Variants in SGCE observed in about 807,000 individuals in gnomAD.
SGCE encodes the protein sarcoglycan epsilon.
Under a neutral mutation model 57.8 loss-of-function variants are expected in SGCE, and 26 were observed. The ratio of observed to expected loss-of-function variants is 0.45; its 90% CI spans 0.33 to 0.62. SGCE has a LOEUF of 0.62. SGCE is among the 20% of genes least tolerant of loss of function. SGCE has a pLI of 0.02. For synonymous variants in SGCE, 183 were observed against 189.5 expected (o/e 0.97, Z 0.28); for missense variants, 468 against 548.6 (o/e 0.85, Z 1.47).
chr7:94,613,134 C>T (rs1339842879), intron 5 of SGCE, among the ~76,000 whole-genome samples: 1 of 152,144 alleles, frequency 6.6e-6, no homozygotes, highest in African/African-American at 2.4e-5. Flanking sequence ...AAACGGAACA[C>T]AGATGTCATG....
intron 8 of SGCE, 98 bp from the exon 9 acceptor site, chr7:94,599,061 AAAT>A (rs1798833281): frequency 4.6e-6 from 4 of 875,258 alleles, no homozygotes; most frequent in Admixed American, 2.4e-5. Context: ...TTATCTTTTA[AAAT>A]AATAAGACAT....
rs1017811324 is a variant in SGCE, at chr7:94,619,066, G to A, written c.464-110C>T. The A allele has an allele frequency of 1.1e-5, 9 of 785,694 alleles. No homozygotes were observed. In the East Asian group the frequency reaches 1.8e-4, roughly 16 times the overall value. The allele number at this position is 785,694 out of a possible 1,614,324, so 48.7% of individuals were successfully genotyped here. On this transcript the variant is annotated intron_variant, in intron 4 of 10. Coordinates refer to ENST00000648936, the MANE Select transcript of SGCE (RefSeq NM_003919.3). Reference sequence around the variant, plus strand: ...AGTTCTGTCATAATCCTGGCAGCAGGAAGCAATATTAATACTGACTTTAAA... The same window carrying A: ...AGTTCTGTCATAATCCTGGCAGCAGAAAGCAATATTAATACTGACTTTAAA...
At chr7:94,613,365 TTG>T (rs1801368855) in intron 5 of SGCE, among the ~76,000 whole-genome samples, 1 of 152,194 alleles carries the variant, frequency 6.6e-6, no homozygotes, top group South Asian at 2.1e-4. Flanking sequence ...AATTTAAAAT[TTG>T]TATGAAGTGA....
At chr7:94,590,863 A>C in intron 9 of SGCE, 1 of 152,198 alleles carries the variant, frequency 6.6e-6, no homozygotes, top group East Asian at 1.9e-4. Context: ...TTATGTTCCA[A>C]ATACAACAAT....
chr7:94,600,978 A>C, intron 6 of SGCE, 121 bp from the exon 7 acceptor site: 1 of 812,094 alleles, frequency 1.2e-6, no homozygotes. Context: ...TTTTCCAATT[A>C]CTTTATCACC....
chr7:94,618,433 T>C, intron 5 of SGCE: 1 of 248,304 alleles, frequency 4.0e-6, no homozygotes, highest in Non-Finnish European at 7.7e-6. Flanking sequence ...CTGCAGCTAA[T>C]AACTGGGGCG....
In SGCE at chr7:94,598,942, A is replaced by C; in HGVS notation, c.1086T>G (p.Ser362Arg). The change falls in exon 9 of 11, where the codon AGT becomes AGG. Residue 362 changes from serine to arginine, a missense_variant. Physicochemically the swap from Ser to Arg is moderately radical, Grantham distance 110. Transcript: ENST00000648936. Reference sequence around the variant, plus strand: ...GCTCCTTGGTAGATTTCTGAATAGCACTGTGATGGACCAGTTGGATGCTAG... The same window carrying C: ...GCTCCTTGGTAGATTTCTGAATAGCCCTGTGATGGACCAGTTGGATGCTAG... Reference protein sequence around the residue: ...QTPDIQLVHHSAIQKSTKELR... With the variant: ...QTPDIQLVHHRAIQKSTKELR... 6.2e-7 allele frequency: 1 copy of C among 1,613,768 alleles called. No individual in the cohort carries two copies. Among genetic ancestry groups the C allele is most frequent in the South Asian group, 1.1e-5 (1 of 91,070 alleles).
intron 9 of SGCE, chr7:94,590,592 T>G (rs1388560900): frequency 6.6e-6 from 1 of 152,222 alleles, no homozygotes; most frequent in African/African-American, 2.4e-5. Context: ...CAGTCCTTTG[T>G]AATAAAGTTT....
chr7:94,649,421 A>G (rs1404887010), intron 1 of SGCE, among the ~76,000 whole-genome samples: 2 of 152,196 alleles, frequency 1.3e-5, no homozygotes, highest in African/African-American at 2.4e-5. Context: ...AAATGTAGAC[A>G]CTGGGGATTA....
chr7:94,588,618 A>G (rs1797229152), intron 10 of SGCE, 71 bp downstream of exon 10: 3 of 1,550,750 alleles, frequency 1.9e-6, no homozygotes, highest in Admixed American at 3.4e-5. Flanking sequence ...CATAAATTAT[A>G]TAGTGCCATA....
Position 94,598,848 on chromosome 7 carries a change from T to C in SGCE, c.1180A>G (p.Thr394Ala). The change falls in exon 9 of 11, where the codon ACT becomes GCT. Residue 394 changes from threonine (T) to alanine (A), a missense_variant. Coordinates refer to ENST00000648936, the MANE Select transcript of SGCE (RefSeq NM_003919.3). Reference sequence around the variant, plus strand: ...TGTAAAGGAGGTATGATTTCCCCAGTCACAGGGTGGAACACAGGAAGCGTT... The same window carrying C: ...TGTAAAGGAGGTATGATTTCCCCAGCCACAGGGTGGAACACAGGAAGCGTT... Reference protein sequence around the residue: ...LSTLPVFHPVTGEIIPPLHTD... With the variant: ...LSTLPVFHPVAGEIIPPLHTD... The C allele has an allele frequency of 6.2e-7, 1 of 1,613,298 alleles. No homozygotes were observed. The highest frequency in any genetic ancestry group is 8.5e-7 in the Non-Finnish European group (1 of 1,179,234).
At chr7:94,589,881 A>C (rs1314339554) in intron 9 of SGCE, 1 of 153,314 alleles carries the variant, frequency 6.5e-6, no homozygotes. Flanking sequence ...GTGCATAATA[A>C]ATGCAATGCA....
At chr7:94,592,380 G>A (rs187147341) in intron 9 of SGCE, among the ~76,000 whole-genome samples, 3 of 152,222 alleles carry the variant, frequency 2.0e-5, no homozygotes, top group East Asian at 3.9e-4. Context: ...ATACAGGAGC[G>A]GGGGGTCGAC....
chr7:94,628,300 G>A lies in SGCE; in HGVS notation c.292C>T (p.Pro98Ser). The A allele has an allele frequency of 5.0e-6, 8 of 1,611,552 alleles. No individual in the cohort carries two copies. The highest frequency in any genetic ancestry group is 1.1e-5 in the South Asian group (1 of 90,962). Residue 98 changes from proline (P) to serine (S), a missense_variant, in exon 3 of 11, where the codon CCT becomes TCT. By Grantham distance (74) the Pro-to-Ser change is moderately conservative (BLOSUM62 -1). Coordinates refer to ENST00000648936, the MANE Select transcript of SGCE (RefSeq NM_003919.3). The stretch of plus-strand genomic sequence containing the variant: ...CTTTGGATATATCGAAGCCATCCAG[G>A]TCGGTCTGGGTAACCCATTAAATTT... ...NTNLMGYPDRPGWLRYIQRTP... is the reference protein window; with the variant it reads ...NTNLMGYPDRSGWLRYIQRTP...
intron 5 of SGCE, among the ~76,000 whole-genome samples, chr7:94,606,901 A>G (rs565461866): frequency 6.6e-6 from 1 of 152,340 alleles, no homozygotes; most frequent in South Asian, 2.1e-4. Flanking sequence ...AAACTTGAAA[A>G]TATTCTGAAT....
At chr7:94,646,230 T>C (rs534573914) in intron 1 of SGCE, among the ~76,000 whole-genome samples, 1 of 152,338 alleles carries the variant, frequency 6.6e-6, no homozygotes, top group East Asian at 1.9e-4. Context: ...TAGATATTTA[T>C]TCAGAGGAAG....
At chr7:94,607,363 C>T (rs992925734) in intron 5 of SGCE, among the ~76,000 whole-genome samples, 2 of 152,112 alleles carry the variant, frequency 1.3e-5, no homozygotes, top group Admixed American at 6.5e-5. Flanking sequence ...AAACTACACA[C>T]CACACCAGCA....
chr7:94,601,245 C>T (rs1317773175), intron 6 of SGCE, among the ~76,000 whole-genome samples: 1 of 151,324 alleles, frequency 6.6e-6, no homozygotes, highest in Non-Finnish European at 1.5e-5. Context: ...TTTACCAAAC[C>T]TAAAACTGGC....
At chr7:94,623,823 G>GT (rs796569746) in intron 3 of SGCE, 137 of 364,438 alleles carry the variant, frequency 3.8e-4, no homozygotes, top group African/African-American at 2.2e-3. Context: ...ATATCTTTGT[G>GT]TTTTTTTGCA....
Sources: gnomAD v4.1 joint callset for allele counts (sites outside exome capture counted in the v4.1 genomes callset) on GRCh38, gnomAD v4.1.1 for gene constraint, MANE v1.5 for transcripts, NCBI Gene and HGNC (gene_info 2026-07-23, HGNC 2026-07-21) for gene names.